Variants in SPECC1 observed in about 807,000 individuals in gnomAD.
SPECC1 encodes sperm antigen with calponin homology and coiled-coil domains 1.
Under a neutral mutation model 104.1 loss-of-function variants are expected in SPECC1, and 62 were observed. The ratio of observed to expected loss-of-function variants is 0.60; its 90% confidence interval spans 0.49 to 0.74. The LOEUF (loss-of-function observed/expected upper bound fraction) is 0.74, where lower values mean the gene tolerates loss of function less well. Among genes scored for constraint, SPECC1 ranks in the 30% least tolerant of loss-of-function variants. The pLI is 0.00. For synonymous variants in SPECC1, 513 were observed against 501.6 expected, an observed-to-expected ratio of 1.02 and a Z score of -0.30; for missense variants, 1,306 against 1,310.5, an observed-to-expected ratio of 1.00 and a Z score of 0.05.
At chr17:20,111,891 CTT>C (rs2048515031) in intron 3 of SPECC1, 1 of 796,896 alleles carries the variant, frequency 1.3e-6, no homozygotes, top group Non-Finnish European at 2.3e-6. Flanking sequence ...GTATGTGGAA[CTT>C]TATCTGATTT....
chr17:20,086,017 G>C (rs141995747), intron 1 of SPECC1, among the ~76,000 whole-genome samples: 1 of 152,210 alleles, frequency 6.6e-6, no homozygotes, highest in Non-Finnish European at 1.5e-5. Flanking sequence ...CAAATGAATA[G>C]GCCTAGCTAA....
At chr17:20,074,522 A>G (rs1270012113) in intron 1 of SPECC1, among the ~76,000 whole-genome samples, 1 of 152,164 alleles carries the variant, frequency 6.6e-6, no homozygotes, top group Non-Finnish European at 1.5e-5. Context: ...AATTTCCTAT[A>G]GGTATAAAAT....
chr17:20,147,483 T>G (rs935505756), intron 3 of SPECC1, among the ~76,000 whole-genome samples: 7 of 152,220 alleles, frequency 4.6e-5, no homozygotes, highest in African/African-American at 1.4e-4. Flanking sequence ...GTGTGTGTGT[T>G]TTTTAAAGAG....
At chr17:20,092,379 T>C (rs891865112) in intron 1 of SPECC1, among the ~76,000 whole-genome samples, 1 of 150,192 alleles carries the variant, frequency 6.7e-6, no homozygotes, top group East Asian at 1.9e-4. Context: ...CTAATTCATA[T>C]CCATAAGAAA....
At chr17:20,022,507 C>G (rs369000062) in intron 1 of SPECC1, among the ~76,000 whole-genome samples, 1 of 152,156 alleles carries the variant, frequency 6.6e-6, no homozygotes, top group East Asian at 1.9e-4. Context: ...AATTCTATAA[C>G]CTGAATAGTC....
rs192746998 is a variant in SPECC1, at chr17:20,272,515, C to T, written c.2940+12221C>T. ...CATTTTGCAAAACTTAAATTCTATACCCATTAAACACTAATCTGACATTCC... is the reference window on the plus strand; with the variant it reads ...CATTTTGCAAAACTTAAATTCTATATCCATTAAACACTAATCTGACATTCC... On this transcript the variant is annotated intron_variant, in intron 12 of 14. Transcript: ENST00000395527. Among the ~76,000 whole-genome samples, 15 of 152,276 alleles carry T rather than the reference C, an allele frequency of 9.9e-5. No individual in the cohort carries two copies. In the South Asian group the frequency reaches 2.9e-3, roughly 29 times the overall value.
At chr17:20,093,283 C>T (rs2047485079) in intron 1 of SPECC1, among the ~76,000 whole-genome samples, 1 of 152,198 alleles carries the variant, frequency 6.6e-6, no homozygotes, top group South Asian at 2.1e-4. Context: ...AAGGGGCAAA[C>T]AAGCTCCCTC....
At chr17:20,229,622 C>G (rs542409680) in intron 5 of SPECC1, among the ~76,000 whole-genome samples, 38 of 152,220 alleles carry the variant, frequency 2.5e-4, no homozygotes, top group African/African-American at 9.1e-4. Context: ...TGCAGTGAAC[C>G]AAGATTGTGC....
Position 20,204,763 on chromosome 17 carries a change from A to G in SPECC1, c.714A>G (p.Lys238=). 1.2e-6 allele frequency: 2 copies of G among 1,614,182 alleles called. No individual in the cohort carries two copies. The highest frequency in any genetic ancestry group is 1.1e-5 in the South Asian group (1 of 91,072). ...ALEEKNKNFQ[K]ELSDLEEENR... ...AGGAGAAGAACAAGAACTTTCAGAA[A>G]GAGCTTTCCGATCTAGAGGAAGAAA... The change falls in exon 4 of 15, where the codon AAA becomes AAG. Residue 238 remains lysine, a synonymous_variant. Coordinates refer to ENST00000395527, the MANE Select transcript of SPECC1 (RefSeq NM_001243439.2).
At chr17:20,037,532 A>G (rs2045141316) in intron 1 of SPECC1, among the ~76,000 whole-genome samples, 1 of 150,184 alleles carries the variant, frequency 6.7e-6, no homozygotes, top group Admixed American at 6.7e-5. Flanking sequence ...AGAGCTACCC[A>G]TAGGCAGTGT....
chr17:20,232,455 T>TG (rs1354253502), intron 7 of SPECC1, 50 bp downstream of exon 7: 1 of 1,542,452 alleles, frequency 6.5e-7, no homozygotes, highest in Non-Finnish European at 8.7e-7. Flanking sequence ...TCACTATGTA[T>TG]GGGGCTCCCT....
chr17:20,188,378 C>T (rs1360772313), intron 3 of SPECC1, among the ~76,000 whole-genome samples: 5 of 151,936 alleles, frequency 3.3e-5, no homozygotes, highest in Admixed American at 3.3e-4. Flanking sequence ...CCTGTCTAAG[C>T]CTCCGGAGTG....
chr17:20,024,162 T>C (rs2044509005), intron 1 of SPECC1, among the ~76,000 whole-genome samples: 1 of 152,218 alleles, frequency 6.6e-6, no homozygotes, highest in South Asian at 2.1e-4. Context: ...TATATAATCG[T>C]CTTGAGAGAT....
intron 2 of SPECC1, among the ~76,000 whole-genome samples, chr17:20,097,034 T>A (rs1320108960): frequency 1.3e-5 from 2 of 152,030 alleles, no homozygotes; most frequent in African/African-American, 2.4e-5. Flanking sequence ...GTAATTAAGG[T>A]CCTCTGCCCT....
chr17:20,219,019 A>G (rs749598892), intron 4 of SPECC1, among the ~76,000 whole-genome samples: 2 of 152,158 alleles, frequency 1.3e-5, no homozygotes, highest in Non-Finnish European at 2.9e-5. Flanking sequence ...TGTTGTGTAT[A>G]TGGACTATAT....
chr17:20,105,162 A>G (rs1450213823), intron 2 of SPECC1, among the ~76,000 whole-genome samples: 1 of 151,930 alleles, frequency 6.6e-6, no homozygotes, highest in Non-Finnish European at 1.5e-5. Flanking sequence ...CAGTGGTGCA[A>G]TCATGGCTCC....
intron 3 of SPECC1, among the ~76,000 whole-genome samples, chr17:20,167,119 A>G (rs1248971335): frequency 1.3e-5 from 2 of 148,274 alleles, no homozygotes; most frequent in Non-Finnish European, 3.0e-5. Context: ...TTAGCTATAT[A>G]TATGTAATGT....
intron 1 of SPECC1, among the ~76,000 whole-genome samples, chr17:20,013,829 A>G (rs113968297): frequency 0.019 from 2,966 of 152,270 alleles, 82 homozygotes; most frequent in African/African-American, 0.062. Flanking sequence ...ATTGCTGTGT[A>G]TATGCCATTG....
At chr17:20,218,242 C>T (rs2037634135) in intron 4 of SPECC1, among the ~76,000 whole-genome samples, 1 of 152,104 alleles carries the variant, frequency 6.6e-6, no homozygotes, top group Non-Finnish European at 1.5e-5. Flanking sequence ...ATGTTCCAGG[C>T]ACTATGATAA....
Sources: allele counts gnomAD v4.1 joint callset (sites outside exome capture counted in the v4.1 genomes callset), GRCh38; gene constraint gnomAD v4.1.1; transcripts MANE v1.5; gene names NCBI Gene and HGNC (gene_info 2026-07-23, HGNC 2026-07-21).